The following PLCL1 variants were observed in gnomAD, a reference collection of about 807,000 sequenced individuals.
The protein encoded by PLCL1 is phospholipase C like 1 (inactive).
In PLCL1, 41 loss-of-function variants were observed where a neutral mutation model predicts 84.4. That is an observed-to-expected ratio of 0.49 (90% CI 0.38 to 0.63). PLCL1 has a LOEUF of 0.63. PLCL1 is among the 30% of genes least tolerant of loss of function. The pLI, the probability that PLCL1 is intolerant of heterozygous loss-of-function variation, is 0.00. For missense variants in PLCL1, 1,206 were observed against 1,367.8 expected (o/e 0.88, Z 1.87); for synonymous variants, 490 against 488.3 (o/e 1.00, Z -0.05).
chr2:198,080,150 G>A (rs1692675929), intron 1 of PLCL1, among the ~76,000 whole-genome samples: 1 of 152,220 alleles, frequency 6.6e-6, no homozygotes, highest in Non-Finnish European at 1.5e-5. Flanking sequence ...ATTGGCTGGA[G>A]CACACCTGAA....
chr2:198,103,951 C>T lies in PLCL1; in HGVS notation c.3105+15C>T, dbSNP rs376519142. On this transcript the variant is annotated intron_variant, in intron 5 of 5. Coordinates refer to ENST00000428675, the MANE Select transcript of PLCL1 (RefSeq NM_006226.4). ...CAGTATTGAAGGTAGATGAAACACT[C>T]AGATGTCCCCTGTGCCTTTACTTTT... The T allele has an allele frequency of 7.7e-7, 1 of 1,295,434 alleles. No individual in the cohort carries two copies. Among genetic ancestry groups the T allele is most frequent in the Non-Finnish European group, 1.1e-6 (1 of 906,400 alleles). 80.2% of individuals were successfully genotyped at this position (1,295,434 alleles called of 1,614,324 possible). A position where few individuals can be genotyped will look rare whatever the true frequency, so the allele number is the denominator to read the frequency against.
chr2:197,837,891 G>A (rs1691222905), intron 1 of PLCL1, among the ~76,000 whole-genome samples: 1 of 152,134 alleles, frequency 6.6e-6, no homozygotes, highest in Non-Finnish European at 1.5e-5. Context: ...AGCAGCATTT[G>A]TTTGAAATTG....
chr2:197,828,249 C>T (rs544724900), intron 1 of PLCL1, among the ~76,000 whole-genome samples: 14 of 152,094 alleles, frequency 9.2e-5, no homozygotes, highest in East Asian at 1.9e-4. Context: ...GGTTGGTTCA[C>T]GGGATAACTG....
intron 1 of PLCL1, among the ~76,000 whole-genome samples, chr2:197,852,611 A>G (rs924803932): frequency 6.6e-6 from 1 of 152,166 alleles, no homozygotes; most frequent in Admixed American, 6.5e-5. Flanking sequence ...TTTTTCTTCA[A>G]TGTTCATATA....
At chr2:198,110,477 G>T (rs908467469) in intron 5 of PLCL1, among the ~76,000 whole-genome samples, 8 of 151,994 alleles carry the variant, frequency 5.3e-5, no homozygotes, top group South Asian at 2.1e-4. Context: ...AAATTACATG[G>T]ATGTCAGTGT....
intron 1 of PLCL1, among the ~76,000 whole-genome samples, chr2:197,908,571 C>A (rs1416010433): frequency 6.6e-6 from 1 of 152,192 alleles, no homozygotes; most frequent in Non-Finnish European, 1.5e-5. Context: ...GGGCCCATGG[C>A]CACCAGGTCC....
intron 1 of PLCL1, among the ~76,000 whole-genome samples, chr2:198,043,746 G>GT (rs1286578639): frequency 6.6e-6 from 1 of 152,114 alleles, no homozygotes; most frequent in Non-Finnish European, 1.5e-5. Context: ...GTTGGGGGAG[G>GT]TGGCAGAGAA....
At chr2:198,042,995 G>A (rs1165752362) in intron 1 of PLCL1, among the ~76,000 whole-genome samples, 1 of 152,134 alleles carries the variant, frequency 6.6e-6, no homozygotes, top group Admixed American at 6.5e-5. Context: ...AGTGAATCTG[G>A]TAAAAATAGG....
chr2:198,028,819 G>A (rs912816172), intron 1 of PLCL1, among the ~76,000 whole-genome samples: 7 of 152,014 alleles, frequency 4.6e-5, no homozygotes, highest in East Asian at 3.9e-4. Flanking sequence ...TGGCCCATTC[G>A]TACAAATGAT....
At chr2:198,142,797 C>CTTT (rs911999035) in intron 5 of PLCL1, among the ~76,000 whole-genome samples, 1 of 144,170 alleles carries the variant, frequency 6.9e-6, no homozygotes, top group Admixed American at 7.0e-5. Flanking sequence ...GCATCCTTCT[C>CTTT]TTTTTTTTTT....
chr2:198,085,184 C>G lies in PLCL1; in HGVS notation c.1667C>G (p.Thr556Arg), dbSNP rs1559098840. 1 of 1,613,706 alleles carries G rather than the reference C, an allele frequency of 6.2e-7. No individual in the cohort carries two copies. Among genetic ancestry groups the G allele is most frequent in the Non-Finnish European group, 8.5e-7 (1 of 1,179,840 alleles). The change falls in exon 2 of 6, where the codon ACA (threonine) becomes AGA (arginine). Residue 556 changes from threonine to arginine, a missense_variant. Thr to Arg is a moderately conservative substitution (Grantham distance 71). Coordinates refer to ENST00000428675, the MANE Select transcript of PLCL1 (RefSeq NM_006226.4). The surrounding 1 kb of genome is among the most constrained non-coding windows in gnomAD (Gnocchi z 5.3). ...CCAGATGTGTTAGAAGGAGAAGTAA[C>G]AGATGAAGATGAAGAAGCTGAAATG... ...SDPDVLEGEV[T>R]DEDEEAEMSR...
At chr2:197,886,202 A>G (rs1452830007) in intron 1 of PLCL1, among the ~76,000 whole-genome samples, 1 of 152,060 alleles carries the variant, frequency 6.6e-6, no homozygotes, top group African/African-American at 2.4e-5. Flanking sequence ...ACTTGAGGTT[A>G]GGAGTTCAAG....
intron 5 of PLCL1, among the ~76,000 whole-genome samples, chr2:198,130,865 T>C (rs1361055338): frequency 6.6e-6 from 1 of 152,128 alleles, no homozygotes; most frequent in Non-Finnish European, 1.5e-5. Context: ...ATTTCTCCTC[T>C]ATCCTTTTCC....
At chr2:197,958,813 T>G (rs1689545392) in intron 1 of PLCL1, among the ~76,000 whole-genome samples, 2 of 152,126 alleles carry the variant, frequency 1.3e-5, no homozygotes, top group African/African-American at 4.8e-5. Flanking sequence ...GCACAGGAGC[T>G]ATGTAACTTG....
chr2:198,089,865 A>G (rs947317414), intron 3 of PLCL1, among the ~76,000 whole-genome samples: 19 of 152,236 alleles, frequency 1.2e-4, no homozygotes, highest in African/African-American at 4.6e-4. Context: ...TTTAATTAGA[A>G]ATTAAGAAAA....
chr2:197,860,304 T>A (rs1246702498), intron 1 of PLCL1, among the ~76,000 whole-genome samples: 3 of 152,196 alleles, frequency 2.0e-5, no homozygotes, highest in African/African-American at 7.2e-5. Context: ...TGATTCCATG[T>A]CTTTGCTATT....
chr2:198,010,536 G>C (rs148729071), intron 1 of PLCL1, among the ~76,000 whole-genome samples: 195 of 151,760 alleles, frequency 1.3e-3, no homozygotes, highest in African/African-American at 4.3e-3. Context: ...TGTGATCAAC[G>C]TGTGCTTGAA....
At chr2:197,949,502 A>T (rs866839144) in intron 1 of PLCL1, among the ~76,000 whole-genome samples, 2 of 152,184 alleles carry the variant, frequency 1.3e-5, no homozygotes, top group Non-Finnish European at 2.9e-5. Context: ...TCAAGGAGGA[A>T]AAAACCCTAT....
At chr2:197,963,971 T>G (rs1469633286) in intron 1 of PLCL1, among the ~76,000 whole-genome samples, 3 of 152,104 alleles carry the variant, frequency 2.0e-5, no homozygotes, top group Non-Finnish European at 4.4e-5. Flanking sequence ...AAAACCAGAG[T>G]ACCATGCTGT....
Sources: allele counts gnomAD v4.1 joint callset (sites outside exome capture counted in the v4.1 genomes callset), GRCh38; gene constraint gnomAD v4.1.1; non-coding constraint Gnocchi (gnomAD v3.1); transcripts MANE v1.5; gene names NCBI Gene and HGNC (gene_info 2026-07-23, HGNC 2026-07-21).